SPTA1: variants seen among roughly 807,000 people sequenced by gnomAD.
SPTA1 encodes spectrin alpha, erythrocytic 1, also known as spectrin alpha chain, erythrocytic 1.
In SPTA1, 177 loss-of-function variants were observed where a neutral mutation model predicts 324.7. That is an observed-to-expected ratio of 0.55 (90% confidence interval 0.48 to 0.62). SPTA1 has a LOEUF of 0.62. Among genes scored for constraint, SPTA1 ranks in the 20% least tolerant of loss-of-function variants. SPTA1 has a pLI of 0.00. For missense variants in SPTA1, 3,162 were observed against 2,883.6 expected (o/e 1.10, Z -2.21); for synonymous variants, 1,195 against 1,041.3 (o/e 1.15, Z -2.84).
rs562972789 is a variant in SPTA1, at chr1:158,666,629, CAT to C, written c.2039-134_2039-133del. The C allele has an allele frequency of 2.1e-4, 168 of 814,138 alleles. No homozygotes were observed. In the African/African-American group the frequency reaches 2.7e-3, roughly 13 times the overall value. The allele number at this position is 814,138 out of a possible 1,614,324, so 50.4% of individuals were successfully genotyped here. ...CAAAGAGGGAAATATAACTGTCTCA[CAT>C]GTCTCACAAAAAGTCATCTTAAATT... On this transcript the variant is annotated intron_variant, in intron 15 of 51. Coordinates refer to ENST00000643759, the MANE Select transcript of SPTA1 (RefSeq NM_003126.4).
At chr1:158,643,114 T>A (rs1325443224) in intron 31 of SPTA1, 138 bp from the exon 32 acceptor site, 1 of 1,332,140 alleles carries the variant, frequency 7.5e-7, no homozygotes, top group African/African-American at 1.5e-5. Flanking sequence ...TAAAATGCAG[T>A]GCTAAAGCCA....
At position 158,669,691 on chromosome 1, in the gene SPTA1, C is replaced by T; in HGVS notation, c.1677+18G>A. Reference sequence around the variant, plus strand: ...TCTAGTGTGTAGGCACACAGAAGCTCTAGGCCCTTGGACATACCCCGTCAC... The same window carrying T: ...TCTAGTGTGTAGGCACACAGAAGCTTTAGGCCCTTGGACATACCCCGTCAC... On this transcript the variant is annotated intron_variant, in intron 13 of 51. Coordinates refer to ENST00000643759, the MANE Select transcript of SPTA1 (RefSeq NM_003126.4). 6.2e-7 allele frequency: 1 copy of T among 1,614,108 alleles called. No homozygotes were observed. The highest frequency in any genetic ancestry group is 8.5e-7 in the Non-Finnish European group (1 of 1,179,974).
At chr1:158,659,191 T>C (rs1653030236) in intron 18 of SPTA1, among the ~76,000 whole-genome samples, 1 of 152,060 alleles carries the variant, frequency 6.6e-6, no homozygotes. Context: ...AAATTTAAAA[T>C]ATGTGACACC....
chr1:158,613,949 C>G, intron 49 of SPTA1, 82 bp from the exon 50 acceptor site: 1 of 1,467,844 alleles, frequency 6.8e-7, no homozygotes, highest in South Asian at 1.2e-5. Context: ...TGTCTTATTG[C>G]GTCAGCTGAA....
intron 7 of SPTA1, among the ~76,000 whole-genome samples, chr1:158,677,047 A>C (rs1654435903): frequency 6.6e-6 from 1 of 152,170 alleles, no homozygotes; most frequent in African/African-American, 2.4e-5. Context: ...AAATTACAGC[A>C]AATGTGGATC....
At chr1:158,652,410 T>C (rs1246266319) in intron 23 of SPTA1, 57 bp downstream of exon 23, 2 of 1,566,172 alleles carry the variant, frequency 1.3e-6, no homozygotes, top group Non-Finnish European at 1.8e-6. Flanking sequence ...ATGTAGAATA[T>C]GCTGAGGGAT....
In SPTA1 at chr1:158,619,305, C is replaced by T; in HGVS notation, c.6447G>A (p.Glu2149=). 1 of 1,614,126 alleles carries T rather than the reference C, an allele frequency of 6.2e-7. No homozygotes were observed. The highest frequency in any genetic ancestry group is 8.5e-7 in the Non-Finnish European group (1 of 1,179,990). ...TCTCAAAGTTCTTGACCTGTCTTGC[C>T]TCTTCCTTTTGCAGCTCCTGCTCCC... ...EEREQELQKE[E]ARQVKNFEMC... The change falls in exon 45 of 52, where the codon GAG becomes GAA. Residue 2149 remains glutamate (E), a synonymous_variant. Coordinates refer to ENST00000643759, the MANE Select transcript of SPTA1 (RefSeq NM_003126.4).
At position 158,668,074 on chromosome 1, in the gene SPTA1, TGAAA is replaced by T. The variant is rs764872182; in HGVS notation, c.1834-16_1834-13del. 9.5e-6 allele frequency: 14 copies of T among 1,473,294 alleles called. No individual in the cohort carries two copies. The highest frequency in any genetic ancestry group is 1.1e-5 in the Non-Finnish European group (12 of 1,125,898). 91.3% of individuals were successfully genotyped at this position (1,473,294 alleles called of 1,614,324 possible). The stretch of plus-strand genomic sequence containing the variant: ...AAGTTCTGTATGTCCTGAGATAAGA[TGAAA>T]AAAAAAAAAAAAACCATTACCTGAA... On this transcript the variant is annotated splice_polypyrimidine_tract_variant and intron_variant, in intron 14 of 51. Transcript: ENST00000643759.
chr1:158,674,347 A>G lies in SPTA1; in HGVS notation c.1332T>C (p.Ser444=), dbSNP rs1414298873. 3 of 1,614,128 alleles carry G rather than the reference A, an allele frequency of 1.9e-6. No homozygotes were observed. In the Admixed American group the frequency reaches 5.0e-5, roughly 27 times the overall value. ...AGATTACCTTTTCCCGAACTTCATCAGAGGCTTCATGATTGGCATTCACGA... is the reference window on the plus strand; with the variant it reads ...AGATTACCTTTTCCCGAACTTCATCGGAGGCTTCATGATTGGCATTCACGA... ...QDLVNANHEA[S]DEVREKMEIL... is the part of the protein sequence containing the mutation. The change falls in exon 10 of 52, where the codon TCT becomes TCC. Residue 444 remains serine (S), a synonymous_variant. Transcript: ENST00000643759.
At chr1:158,668,089 A>T in intron 14 of SPTA1, 27 bp from the exon 15 acceptor site, 1 of 1,326,936 alleles carries the variant, frequency 7.5e-7, no homozygotes, top group Non-Finnish European at 1.1e-6. Flanking sequence ...AAAAAAAAAA[A>T]AACCATTACC....
At position 158,651,477 on chromosome 1, in the gene SPTA1, G is replaced by A; in HGVS notation, c.3376-9C>T. On this transcript the variant is annotated splice_polypyrimidine_tract_variant and intron_variant, in intron 23 of 51. Coordinates refer to ENST00000643759, the MANE Select transcript of SPTA1 (RefSeq NM_003126.4). Reference sequence around the variant, plus strand: ...TCATTGGTATTCAAATCCTGAATGGGAAAATTCATCCAAAGCAGTGTAAAT... The same window carrying A: ...TCATTGGTATTCAAATCCTGAATGGAAAAATTCATCCAAAGCAGTGTAAAT... The A allele has an allele frequency of 1.3e-6, 2 of 1,578,960 alleles. No homozygotes were observed. Among genetic ancestry groups the A allele is most frequent in the Non-Finnish European group, 1.7e-6 (2 of 1,148,510 alleles).
intron 40 of SPTA1, 79 bp downstream of exon 40, chr1:158,627,546 A>T: frequency 7.4e-7 from 1 of 1,359,450 alleles, no homozygotes. Flanking sequence ...CTCTCTGCAT[A>T]TGATCTTAGC....
intron 8 of SPTA1, 144 bp downstream of exon 8, chr1:158,675,997 C>G (rs1654366335): frequency 9.3e-7 from 1 of 1,073,304 alleles, no homozygotes; most frequent in East Asian, 2.6e-5. Context: ...CTTCCTTTGG[C>G]AACTTAAATA....
At position 158,649,995 on chromosome 1, in the gene SPTA1, T is replaced by C. The variant is rs769751471; in HGVS notation, c.3478-48A>G. ...ACTTGAGACAGAGAACTAACTCACATGGCTCAGTGGCGTCTGAAGACCAGA... is the reference window on the plus strand; with the variant it reads ...ACTTGAGACAGAGAACTAACTCACACGGCTCAGTGGCGTCTGAAGACCAGA... On this transcript the variant is annotated intron_variant, in intron 24 of 51. Coordinates refer to ENST00000643759, the MANE Select transcript of SPTA1 (RefSeq NM_003126.4). The C allele has an allele frequency of 7.0e-6, 9 of 1,293,454 alleles. No homozygotes were observed. In the African/African-American group the frequency reaches 7.3e-5, roughly 10 times the overall value. 80.1% of individuals were successfully genotyped at this position (1,293,454 alleles called of 1,614,324 possible). A position where few individuals can be genotyped will look rare whatever the true frequency, so the allele number is the denominator to read the frequency against.
At chr1:158,684,609 T>C (rs1450036430) in intron 2 of SPTA1, among the ~76,000 whole-genome samples, 1 of 152,148 alleles carries the variant, frequency 6.6e-6, no homozygotes, top group Non-Finnish European at 1.5e-5. Flanking sequence ...ACAGACAGTC[T>C]AATTTTTCCA....
intron 33 of SPTA1, among the ~76,000 whole-genome samples, 196 bp downstream of exon 33, chr1:158,642,215 C>T (rs1027617730): frequency 2.6e-5 from 4 of 151,762 alleles, no homozygotes; most frequent in Non-Finnish European, 5.9e-5. Context: ...TGCTAAATGA[C>T]AAGTTAATGG....
Position 158,647,654 on chromosome 1 carries a change from G to A in SPTA1, c.3781C>T (p.Gln1261Ter). 1 of 1,613,918 alleles carries A rather than the reference G, an allele frequency of 6.2e-7. No homozygotes were observed. The highest frequency in any genetic ancestry group is 8.5e-7 in the Non-Finnish European group (1 of 1,179,942). Residue 1261 changes from glutamine (Q) to a stop codon, truncating the protein, a stop_gained, in exon 27 of 52, where the codon CAG (glutamine) becomes TAG (stop). Coordinates refer to ENST00000643759, the MANE Select transcript of SPTA1 (RefSeq NM_003126.4). LOFTEE classifies it high-confidence loss of function. ...TCATTCAGCTCCATTTTCTGTCTCT[G>A]CAGGTCCTCAGTGGCATCTGGATGG... is the stretch of plus-strand genomic sequence containing the variant. ...ESHPDATEDL[Q>*]RQKMELNEAW... is the part of the protein sequence containing the mutation.
intron 33 of SPTA1, among the ~76,000 whole-genome samples, chr1:158,641,470 A>G (rs1262227948): frequency 6.6e-6 from 1 of 152,184 alleles, no homozygotes; most frequent in African/African-American, 2.4e-5. Context: ...CAAGAAAAAA[A>G]CAAACAACCC....
intron 15 of SPTA1, 139 bp downstream of exon 15, chr1:158,667,719 A>G (rs1653711823): frequency 8.9e-6 from 8 of 895,944 alleles, no homozygotes; most frequent in Non-Finnish European, 1.2e-5. Flanking sequence ...AATTTTACCA[A>G]TAAAAGAAAG....
Sources: gnomAD v4.1 joint callset for allele counts (sites outside exome capture counted in the v4.1 genomes callset) on GRCh38, gnomAD v4.1.1 for gene constraint, MANE v1.5 for transcripts, NCBI Gene and HGNC (gene_info 2026-07-23, HGNC 2026-07-21) for gene names.